The following CC2D2B variants were observed in gnomAD, a reference collection of about 807,000 sequenced individuals.
The protein encoded by CC2D2B is coiled-coil and C2 domain containing 2B, also known as protein CC2D2B.
A neutral mutation model predicts 161.2 loss-of-function variants in CC2D2B; 128 were observed. That is an observed-to-expected ratio of 0.79 (90% CI 0.69 to 0.92). The LOEUF (loss-of-function observed/expected upper bound fraction) is 0.92, where lower values mean the gene tolerates loss of function less well. Among genes scored for constraint, CC2D2B ranks in the 40% least tolerant of loss-of-function variants. The probability of loss-of-function intolerance (pLI) is 0.00; values close to 1 mark genes in which losing one functional copy is unlikely to be tolerated. For synonymous variants in CC2D2B, 391 were observed against 449.8 expected, an observed-to-expected ratio of 0.87 and a Z score of 1.65; for missense variants, 1,173 against 1,375.1, an observed-to-expected ratio of 0.85 and a Z score of 2.32.
intron 5 of CC2D2B, 103 bp from the exon 6 acceptor site, chr10:95,927,130 TTTGC>T (rs1400134978): frequency 8.6e-6 from 5 of 580,466 alleles, no homozygotes; most frequent in Non-Finnish European, 1.5e-5. Context: ...GTGCTCCCTG[TTTGC>T]TAGAGAGATA....
intron 11 of CC2D2B, among the ~76,000 whole-genome samples, chr10:95,960,928 C>A (rs1243037425): frequency 6.6e-6 from 1 of 152,134 alleles, no homozygotes; most frequent in Non-Finnish European, 1.5e-5. Context: ...CCCATCAAGA[C>A]CTCTTGAGAT....
At chr10:95,936,677 A>G (rs568934650) in intron 6 of CC2D2B, among the ~76,000 whole-genome samples, 4 of 152,304 alleles carry the variant, frequency 2.6e-5, no homozygotes, top group African/African-American at 9.6e-5. Flanking sequence ...GGAACAGTTG[A>G]GCAGGTAGGA....
intron 32 of CC2D2B, among the ~76,000 whole-genome samples, chr10:96,023,657 C>A (rs2079563770): frequency 6.6e-6 from 1 of 152,186 alleles, no homozygotes; most frequent in South Asian, 2.1e-4. Context: ...CAAGATGACA[C>A]AAAGTCATCC....
intron 14 of CC2D2B, among the ~76,000 whole-genome samples, chr10:95,967,263 A>T (rs1021071217): frequency 6.6e-6 from 1 of 152,118 alleles, no homozygotes; most frequent in African/African-American, 2.4e-5. Context: ...TATGTAGGAC[A>T]CCCATATAAA....
intron 18 of CC2D2B, among the ~76,000 whole-genome samples, chr10:95,983,211 A>G (rs945825313): frequency 1.3e-5 from 2 of 152,240 alleles, no homozygotes; most frequent in Admixed American, 6.5e-5. Flanking sequence ...AAAACAACCT[A>G]TAGATTAGAT....
intron 9 of CC2D2B, among the ~76,000 whole-genome samples, chr10:95,946,598 CAA>C (rs974390165): frequency 2.6e-5 from 4 of 152,100 alleles, no homozygotes; most frequent in Non-Finnish European, 5.9e-5. Flanking sequence ...CAGGTGAAAT[CAA>C]GAGCAGGTTT....
intron 2 of CC2D2B, among the ~76,000 whole-genome samples, chr10:95,918,457 G>C (rs2098520719): frequency 6.6e-6 from 1 of 152,140 alleles, no homozygotes; most frequent in African/African-American, 2.4e-5. Context: ...AGCCTGTAAG[G>C]TTTTCACTGA....
chr10:96,023,671 C>G (rs527701881), intron 32 of CC2D2B, among the ~76,000 whole-genome samples: 4 of 152,282 alleles, frequency 2.6e-5, no homozygotes, highest in Non-Finnish European at 5.9e-5. Context: ...GTCATCCTTC[C>G]CTTCCTCAGT....
intron 17 of CC2D2B, among the ~76,000 whole-genome samples, chr10:95,975,564 A>T (rs914177326): frequency 6.6e-6 from 1 of 152,206 alleles, no homozygotes; most frequent in East Asian, 1.9e-4. Flanking sequence ...CTTACAAAAG[A>T]TTGAAATCAG....
In CC2D2B at chr10:96,019,299, C is replaced by T. The variant is rs1428233444; in HGVS notation, c.3727C>T (p.Pro1243Ser). The change falls in exon 31 of 35, where the codon CCC becomes TCC. Residue 1243 changes from proline to serine, a missense_variant. This residue lies in a region of CC2D2B where 598 missense variants were observed against 693.2 expected (regional missense o/e 0.86). Transcript: ENST00000646931. ...QCYKQFDPFC[P>S]LKSVDCLFDD... ...TTATAAGCAGTTTGACCCGTTTTGT[C>T]CCTTAAAAAGTGTAGATTGTTTGTT... The T allele has an allele frequency of 6.2e-7, 1 of 1,611,642 alleles. No individual in the cohort carries two copies. Among genetic ancestry groups the T allele is most frequent in the African/African-American group, 1.3e-5 (1 of 74,842 alleles).
intron 6 of CC2D2B, among the ~76,000 whole-genome samples, chr10:95,932,845 G>A (rs1247832248): frequency 3.3e-5 from 5 of 151,966 alleles, no homozygotes; most frequent in Non-Finnish European, 7.4e-5. Flanking sequence ...GGTGACTCTG[G>A]CGATTATGTT....
At chr10:95,984,145 C>G (rs752117126) in intron 19 of CC2D2B, among the ~76,000 whole-genome samples, 3 of 152,116 alleles carry the variant, frequency 2.0e-5, no homozygotes, top group Non-Finnish European at 2.9e-5. Context: ...AGAGACACTA[C>G]CACAGTAAAC....
chr10:96,022,582 A>G (rs1467486589), intron 32 of CC2D2B: 2 of 152,206 alleles, frequency 1.3e-5, no homozygotes, highest in African/African-American at 4.8e-5. Flanking sequence ...CAAAGCATTG[A>G]TGCCTCCTAG....
At chr10:96,013,750 A>C in intron 28 of CC2D2B, 38 bp from the exon 29 acceptor site, 1 of 1,272,722 alleles carries the variant, frequency 7.9e-7, no homozygotes, top group Non-Finnish European at 1.1e-6. Context: ...AGTGATGGAC[A>C]TACAGCACAC....
intron 34 of CC2D2B, among the ~76,000 whole-genome samples, chr10:96,028,023 A>C (rs929189408): frequency 6.6e-6 from 1 of 152,222 alleles, no homozygotes; most frequent in African/African-American, 2.4e-5. Context: ...GCCTCAAACT[A>C]TGAAATTGCT....
rs2080102221 is a variant in CC2D2B, at chr10:96,032,700, G to A, written c.*692G>A. On this transcript the variant is annotated 3_prime_UTR_variant, in exon 35 of 35. Coordinates refer to ENST00000646931, the MANE Select transcript of CC2D2B (RefSeq NM_001349008.3). Reference sequence around the variant, plus strand: ...GTTGGGCTGATGTTGGCTTCTGGAAGCTTCTCAAAAGTTTGCACTTTGGAT... The same window carrying A: ...GTTGGGCTGATGTTGGCTTCTGGAAACTTCTCAAAAGTTTGCACTTTGGAT... 3 of 435,284 alleles carry A rather than the reference G, an allele frequency of 6.9e-6. No individual in the cohort carries two copies. Among genetic ancestry groups the A allele is most frequent in the Non-Finnish European group, 1.4e-5 (3 of 210,316 alleles). The allele number at this position is 435,284 out of a possible 1,614,324, so 27.0% of individuals were successfully genotyped here.
intron 10 of CC2D2B, among the ~76,000 whole-genome samples, chr10:95,953,683 A>T (rs2076480568): frequency 6.6e-6 from 1 of 152,184 alleles, no homozygotes; most frequent in Non-Finnish European, 1.5e-5. Context: ...AGGAAAAGGC[A>T]TTACCTCATA....
Position 96,016,681 on chromosome 10 carries a change from T to C in CC2D2B, c.3630+367T>C, listed in dbSNP as rs1049585848. ...AGTTATAGTGTAGTTGTGGCAGCTG[T>C]TATCCATCGTTACCACCATGATCAT... is the stretch of plus-strand genomic sequence containing the variant. On this transcript the variant is annotated intron_variant, in intron 30 of 34. Transcript: ENST00000646931. Among the ~76,000 whole-genome samples, 8 of 152,296 alleles carry C rather than the reference T, an allele frequency of 5.3e-5. No homozygotes were observed. In the East Asian group the frequency reaches 1.5e-3, roughly 29 times the overall value.
At chr10:96,030,395 G>T (rs757579527) in intron 34 of CC2D2B, among the ~76,000 whole-genome samples, 113 of 151,932 alleles carry the variant, frequency 7.4e-4, no homozygotes, top group Non-Finnish European at 1.3e-3. Context: ...GGCCCAGTGG[G>T]TTTTTGAAAA....
Sources: gnomAD v4.1 joint callset for allele counts (sites outside exome capture counted in the v4.1 genomes callset) on GRCh38, gnomAD v4.1.1 for gene constraint, gnomAD v4.1.1 regional missense constraint, MANE v1.5 for transcripts, NCBI Gene and HGNC (gene_info 2026-07-23, HGNC 2026-07-21) for gene names.